STAT1: variants seen among roughly 807,000 people sequenced by gnomAD.
STAT1 encodes the protein signal transducer and activator of transcription 1.
A neutral mutation model predicts 111.7 loss-of-function variants in STAT1; 24 were observed. The observed-to-expected ratio is 0.21, with a 90% CI of 0.16 to 0.30. The LOEUF (loss-of-function observed/expected upper bound fraction) is 0.30, where lower values mean the gene tolerates loss of function less well. Among genes scored for constraint, STAT1 ranks in the 10% least tolerant of loss-of-function variants. The pLI is 1.00. For synonymous variants in STAT1, 332 were observed against 326.5 expected, an observed-to-expected ratio of 1.02 and a Z score of -0.18; for missense variants, 351 against 911.9, an observed-to-expected ratio of 0.38 and a Z score of 7.92.
Position 190,984,931 on chromosome 2 carries a change from G to A in STAT1, c.1264-538C>T, listed in dbSNP as rs1300131979. 6.6e-6 allele frequency among the ~76,000 whole-genome samples: 1 copy of A among 152,204 alleles called. No homozygotes were observed. Among genetic ancestry groups the A allele is most frequent in the Admixed American group, 6.5e-5 (1 of 15,288 alleles). ...AGAGAGGTGCAACAGCTAGACCCAG[G>A]GAGGTCAAAACATAGTTCAGGCGCA... On this transcript the variant is annotated intron_variant, in intron 15 of 24. Coordinates refer to ENST00000361099, the MANE Select transcript of STAT1 (RefSeq NM_007315.4). This position sits in a 1 kb window ranked among gnomAD's most constrained non-coding sequence, Gnocchi z 5.2.
In STAT1 at chr2:190,993,432, T is replaced by C. The variant is rs749335688; in HGVS notation, c.944+1629A>G. The C allele has an allele frequency of 9.9e-6, 14 of 1,408,962 alleles. No individual in the cohort carries two copies. Among genetic ancestry groups the C allele is most frequent in the East Asian group, 9.5e-5 (4 of 42,044 alleles). The allele number at this position is 1,408,962 out of a possible 1,614,324, so 87.3% of individuals were successfully genotyped here. On this transcript the variant is annotated intron_variant, in intron 10 of 24. Coordinates refer to ENST00000361099, the MANE Select transcript of STAT1 (RefSeq NM_007315.4). This position sits in a 1 kb window ranked among gnomAD's most constrained non-coding sequence, Gnocchi z 4.1. ...TCTATAGTTCTTATTTTGAAATCCA[T>C]ACCAATTGTGCTGATGTAGCTTTCT...
At position 191,001,107 on chromosome 2, in the gene STAT1, G is replaced by A. The variant is rs780853224; in HGVS notation, c.429C>T (p.Asp143=). The A allele has an allele frequency of 6.2e-7, 1 of 1,613,908 alleles. No individual in the cohort carries two copies. ...TVMLDKQKEL[D]SKVRNVKDKV... ...TGTCCTTCACATTTCTGACTTTACT[G>A]TCAAGCTCTTTCTGTTTGTCTAACA... Residue 143 remains aspartate, a synonymous_variant, in exon 6 of 25, where the codon GAC becomes GAT. Coordinates refer to ENST00000361099, the MANE Select transcript of STAT1 (RefSeq NM_007315.4).
At position 191,003,141 on chromosome 2, in the gene STAT1, T is replaced by C. The variant is rs113635552; in HGVS notation, c.373-1978A>G. Among the ~76,000 whole-genome samples, 1,785 of 152,332 alleles carry C rather than the reference T, an allele frequency of 0.012. 16 individuals carry two copies. Among genetic ancestry groups the C allele is most frequent in the Non-Finnish European group, 0.019 (1,303 of 68,026 alleles). ...CGTCATCAAAGTTATTCTCTCTTCA[T>C]AGGAAGTTTTCCTTCATGTTACATA... is the stretch of plus-strand genomic sequence containing the variant. On this transcript the variant is annotated intron_variant, in intron 5 of 24. Coordinates refer to ENST00000361099, the MANE Select transcript of STAT1 (RefSeq NM_007315.4). The surrounding 1 kb of genome is among the most constrained non-coding windows in gnomAD (Gnocchi z 4.0).
Position 190,979,138 on chromosome 2 carries a change from C to T in STAT1, c.1728-137G>A. On this transcript the variant is annotated intron_variant, in intron 20 of 24. Transcript: ENST00000361099. The surrounding 1 kb of genome is among the most constrained non-coding windows in gnomAD (Gnocchi z 5.8). ...TAAAAAACGTAGACTATTTTAAAAT[C>T]TGTTCAGTTGACACTTAAGGAAGCA... 8.5e-7 allele frequency: 1 copy of T among 1,182,934 alleles called. No individual in the cohort carries two copies. Among genetic ancestry groups the T allele is most frequent in the Non-Finnish European group, 1.2e-6 (1 of 822,638 alleles). The allele number at this position is 1,182,934 out of a possible 1,614,324, so 73.3% of individuals were successfully genotyped here. A position where few individuals can be genotyped will look rare whatever the true frequency, so the allele number is the denominator to read the frequency against.
rs905459939 is a variant in STAT1 at position 190,973,406 on chromosome 2, C to T, written c.2238+1424G>A. On this transcript the variant is annotated intron_variant, in intron 24 of 24. Coordinates refer to ENST00000361099, the MANE Select transcript of STAT1 (RefSeq NM_007315.4). This position sits in a 1 kb window ranked among gnomAD's most constrained non-coding sequence, Gnocchi z 4.4. ...TCTGTCAAAGTAGGAATAACAATAA[C>T]ACCTAACTCAGAAGGTGGCTGTGAG... Among the ~76,000 whole-genome samples, 1 of 152,132 alleles carries T rather than the reference C, an allele frequency of 6.6e-6. No individual in the cohort carries two copies. The highest frequency in any genetic ancestry group is 1.5e-5 in the Non-Finnish European group (1 of 68,030).
rs1574632859 is a variant in STAT1, at chr2:190,970,858, G to A, written c.2239-141C>T. 1.2e-6 allele frequency: 1 copy of A among 802,664 alleles called. No homozygotes were observed. Among genetic ancestry groups the A allele is most frequent in the East Asian group, 2.6e-5 (1 of 38,020 alleles). The allele number at this position is 802,664 out of a possible 1,614,324, so 49.7% of individuals were successfully genotyped here. On this transcript the variant is annotated intron_variant, in intron 24 of 24. Coordinates refer to ENST00000361099, the MANE Select transcript of STAT1 (RefSeq NM_007315.4). The surrounding 1 kb of genome is among the most constrained non-coding windows in gnomAD (Gnocchi z 5.4). ...GGCAAATAAATACCGTGGAATAAGA[G>A]GGCCTTCAGCATGTACTATGTATTA...
Position 190,989,599 on chromosome 2 carries a change from G to T in STAT1, c.1097+16C>A. On this transcript the variant is annotated intron_variant, in intron 12 of 24. Transcript: ENST00000361099. This position sits in a 1 kb window ranked among gnomAD's most constrained non-coding sequence, Gnocchi z 5.0. ...CAATAGTACATGTATGTTATATAAT[G>T]TTAAAGATATCTTACTTATCAAATA... The T allele has an allele frequency of 7.0e-7, 1 of 1,423,506 alleles. No homozygotes were observed. Among genetic ancestry groups the T allele is most frequent in the Non-Finnish European group, 9.8e-7 (1 of 1,021,712 alleles). 88.2% of individuals were successfully genotyped at this position (1,423,506 alleles called of 1,614,324 possible). A position where few individuals can be genotyped will look rare whatever the true frequency, so the allele number is the denominator to read the frequency against.
Position 190,979,006 on chromosome 2 carries a change from A to G in STAT1, c.1728-5T>C, listed in dbSNP as rs1692129311. ...CTGATGAAGCCCATGATGCACCTGG[A>G]TATCGAAGAGATGGACGGATGGGCT... is the stretch of plus-strand genomic sequence containing the variant. On this transcript the variant is annotated splice_region_variant and splice_polypyrimidine_tract_variant and intron_variant, in intron 20 of 24. Transcript: ENST00000361099. This position sits in a 1 kb window ranked among gnomAD's most constrained non-coding sequence, Gnocchi z 5.8. 1.2e-6 allele frequency: 2 copies of G among 1,614,068 alleles called. No homozygotes were observed. The highest frequency in any genetic ancestry group is 1.7e-6 in the Non-Finnish European group (2 of 1,180,030).
chr2:190,974,851 G>A lies in STAT1; in HGVS notation c.2217C>T (p.Gly739=). The change falls in exon 24 of 25, where the codon GGC becomes GGT. Residue 739 remains glycine, a synonymous_variant. Coordinates refer to ENST00000361099, the MANE Select transcript of STAT1 (RefSeq NM_007315.4). This position sits in a 1 kb window ranked among gnomAD's most constrained non-coding sequence, Gnocchi z 4.8. The part of the protein sequence containing the change: ...EEFDEVSRIV[G]SVEFDSMMNT... ...TCACCATACTGTCGAATTCTACAGA[G>A]CCCACTATCCGAGACACCTCGTCAA... 2 of 1,614,126 alleles carry A rather than the reference G, an allele frequency of 1.2e-6. No individual in the cohort carries two copies. The highest frequency in any genetic ancestry group is 1.7e-6 in the Non-Finnish European group (2 of 1,179,972).
chr2:191,009,962 G>C lies in STAT1; in HGVS notation c.42C>G (p.Phe14Leu). 1 of 1,613,968 alleles carries C rather than the reference G, an allele frequency of 6.2e-7. No individual in the cohort carries two copies. The highest frequency in any genetic ancestry group is 1.7e-4 in the Middle Eastern group (1 of 6,060). Residue 14 changes from phenylalanine (F) to leucine (L), a missense_variant, in exon 3 of 25, where the codon TTC becomes TTG. Transcript: ENST00000361099. The part of the protein sequence containing the change: ...WYELQQLDSK[F>L]LEQVHQLYDD... Reference sequence around the variant, plus strand: ...CATAAAGCTGGTGAACCTGCTCCAGGAATTTTGAGTCAAGCTGCTGAAGTT... The same window carrying C: ...CATAAAGCTGGTGAACCTGCTCCAGCAATTTTGAGTCAAGCTGCTGAAGTT...
In STAT1 at chr2:190,971,220, C is replaced by T. The variant is rs1691437711; in HGVS notation, c.2239-503G>A. Among the ~76,000 whole-genome samples, 1 of 152,202 alleles carries T rather than the reference C, an allele frequency of 6.6e-6. No homozygotes were observed. The highest frequency in any genetic ancestry group is 6.5e-5 in the Admixed American group (1 of 15,288). On this transcript the variant is annotated intron_variant, in intron 24 of 24. Transcript: ENST00000361099. The surrounding 1 kb of genome is among the most constrained non-coding windows in gnomAD (Gnocchi z 4.1). Reference sequence around the variant, plus strand: ...CCCACCAGTGCCTTCTGCCCAGCTGCCTTGACCAGGACAACTTATAGTAAG... The same window carrying T: ...CCCACCAGTGCCTTCTGCCCAGCTGTCTTGACCAGGACAACTTATAGTAAG...
rs1040602067 is a variant in STAT1 at position 190,996,627 on chromosome 2, T to G, written c.785+1229A>C. On this transcript the variant is annotated intron_variant, in intron 9 of 24. Coordinates refer to ENST00000361099, the MANE Select transcript of STAT1 (RefSeq NM_007315.4). The surrounding 1 kb of genome is among the most constrained non-coding windows in gnomAD (Gnocchi z 4.5). ...ATCCCTCAAGGCACATGGGGTGCAC[T>G]GGGCTCAGAAGCTCTGCTCTAACCC... Among the ~76,000 whole-genome samples the G allele has an allele frequency of 6.6e-6, 1 of 152,216 alleles. No homozygotes were observed. The highest frequency in any genetic ancestry group is 2.4e-5 in the African/African-American group (1 of 41,464).
Position 190,998,112 on chromosome 2 carries a change from G to A in STAT1, c.633+105C>T. On this transcript the variant is annotated intron_variant, in intron 8 of 24. Transcript: ENST00000361099. The surrounding 1 kb of genome is among the most constrained non-coding windows in gnomAD (Gnocchi z 4.1). ...AAATATCATTTCATTCTCAACTGGG[G>A]CTCTAAGCCAGGTGGCTATAATTTT... 2.6e-6 allele frequency: 4 copies of A among 1,558,042 alleles called. No individual in the cohort carries two copies. In the South Asian group the frequency reaches 4.5e-5, roughly 18 times the overall value.
rs1462763284 is a variant in STAT1 at position 190,975,006 on chromosome 2, TATC to T, written c.2136-77_2136-75del. On this transcript the variant is annotated intron_variant, in intron 23 of 24. Coordinates refer to ENST00000361099, the MANE Select transcript of STAT1 (RefSeq NM_007315.4). This position sits in a 1 kb window ranked among gnomAD's most constrained non-coding sequence, Gnocchi z 5.9. ...AGCACTAGTGCATACTTACACACTT[TATC>T]TTTTGTCTGTAATTGAATTATCACG... 4 of 1,106,462 alleles carry T rather than the reference TATC, an allele frequency of 3.6e-6. No homozygotes were observed. Among genetic ancestry groups the T allele is most frequent in the Non-Finnish European group, 5.5e-6 (4 of 730,590 alleles). The allele number at this position is 1,106,462 out of a possible 1,614,324, so 68.5% of individuals were successfully genotyped here. A position where few individuals can be genotyped will look rare whatever the true frequency, so the allele number is the denominator to read the frequency against.
Position 190,990,740 on chromosome 2 carries a change from C to G in STAT1, c.1037+488G>C, listed in dbSNP as rs1368341240. On this transcript the variant is annotated intron_variant, in intron 11 of 24. Transcript: ENST00000361099. This position sits in a 1 kb window ranked among gnomAD's most constrained non-coding sequence, Gnocchi z 5.1. ...AGACATGGACAAAATCCTGGGAGGA[C>G]AGACACTAGGCCATTTACTGTGGTG... Among the ~76,000 whole-genome samples, 2 of 152,158 alleles carry G rather than the reference C, an allele frequency of 1.3e-5. No individual in the cohort carries two copies. The highest frequency in any genetic ancestry group is 2.9e-5 in the Non-Finnish European group (2 of 68,020).
In STAT1 at chr2:190,979,078, G is replaced by A; in HGVS notation, c.1728-77C>T. ...ATTTTCATGCTAACTTACAAACCAA[G>A]AAAATGGCTGGAATGTGAGAAAAAA... is the stretch of plus-strand genomic sequence containing the variant. On this transcript the variant is annotated intron_variant, in intron 20 of 24. Transcript: ENST00000361099. The surrounding 1 kb of genome is among the most constrained non-coding windows in gnomAD (Gnocchi z 5.8). The A allele has an allele frequency of 1.3e-6, 2 of 1,586,136 alleles. No individual in the cohort carries two copies. Among genetic ancestry groups the A allele is most frequent in the South Asian group, 2.3e-5 (2 of 88,778 alleles).
In STAT1 at chr2:190,983,846, A is replaced by G. The variant is rs1692574419; in HGVS notation, c.1348-106T>C. 2 of 933,540 alleles carry G rather than the reference A, an allele frequency of 2.1e-6. No individual in the cohort carries two copies. The highest frequency in any genetic ancestry group is 3.8e-5 in the Admixed American group (2 of 52,254). The allele number at this position is 933,540 out of a possible 1,614,324, so 57.8% of individuals were successfully genotyped here. On this transcript the variant is annotated intron_variant, in intron 16 of 24. Transcript: ENST00000361099. The surrounding 1 kb of genome is among the most constrained non-coding windows in gnomAD (Gnocchi z 5.7). ...CAGGGGATTATTTGTAAATTTGTAC[A>G]TATTTAATACTTGAAAATGAGAAGT... is the stretch of plus-strand genomic sequence containing the variant.
Position 190,970,316 on chromosome 2 carries a change from TAACCACTGATTTATCC to T in STAT1, c.*371_*386del. 1 of 278,776 alleles carries T rather than the reference TAACCACTGATTTATCC, an allele frequency of 3.6e-6. No individual in the cohort carries two copies. The highest frequency in any genetic ancestry group is 7.0e-6 in the Non-Finnish European group (1 of 142,298). The allele number at this position is 278,776 out of a possible 1,614,324, so 17.3% of individuals were successfully genotyped here. A position where few individuals can be genotyped will look rare whatever the true frequency, so the allele number is the denominator to read the frequency against. On this transcript the variant is annotated 3_prime_UTR_variant, in exon 25 of 25. Coordinates refer to ENST00000361099, the MANE Select transcript of STAT1 (RefSeq NM_007315.4). The surrounding 1 kb of genome is among the most constrained non-coding windows in gnomAD (Gnocchi z 5.4). ...TTCCTACGTCAAGCAGTTCCCTAAA[TAACCACTGATTTATCC>T]AACAACCTATAACAGTTGGGCACTG...
At position 190,994,957 on chromosome 2, in the gene STAT1, T is replaced by TAA. The variant is rs1478123956; in HGVS notation, c.944+102_944+103dup. 40 of 416,392 alleles carry TAA rather than the reference T, an allele frequency of 9.6e-5. 1 individual carries two copies. Among genetic ancestry groups the TAA allele is most frequent in the Non-Finnish European group, 1.3e-4 (30 of 227,988 alleles). The allele number at this position is 416,392 out of a possible 1,614,324, so 25.8% of individuals were successfully genotyped here. ...ATATATATATATATATATATATATA[T>TAA]AAAAAACACCTATTAAACCCTTGTA... On this transcript the variant is annotated intron_variant, in intron 10 of 24. Coordinates refer to ENST00000361099, the MANE Select transcript of STAT1 (RefSeq NM_007315.4).
Sources: gnomAD v4.1 joint callset for allele counts (sites outside exome capture counted in the v4.1 genomes callset) on GRCh38, gnomAD v4.1.1 for gene constraint, Gnocchi (gnomAD v3.1) non-coding constraint, MANE v1.5 for transcripts, NCBI Gene and HGNC (gene_info 2026-07-23, HGNC 2026-07-21) for gene names.